The following CSPG4 variants were observed in gnomAD, a reference collection of about 807,000 sequenced individuals.
CSPG4 encodes the protein chondroitin sulfate proteoglycan 4.
In CSPG4, 74 loss-of-function variants were observed where a neutral mutation model predicts 139.3. That is an observed-to-expected ratio of 0.53 (90% CI 0.44 to 0.64). The LOEUF (loss-of-function observed/expected upper bound fraction) is 0.64, where lower values mean the gene tolerates loss of function less well. Ranked by LOEUF, CSPG4 falls within the 30% of genes least tolerant of loss-of-function variation. The pLI is 0.00. For missense variants in CSPG4, 2,565 were observed against 3,148.3 expected, an observed-to-expected ratio of 0.81 and a Z score of 4.43; for synonymous variants, 1,234 against 1,394.2, an observed-to-expected ratio of 0.89 and a Z score of 2.56.
chr15:75,690,857 T>G (rs764811893), intron 2 of CSPG4, 45 bp from the exon 3 acceptor site: 7 of 1,548,184 alleles, frequency 4.5e-6, no homozygotes, highest in Non-Finnish European at 6.1e-6. Flanking sequence ...GCACTTTGGA[T>G]CCATCATTTC....
chr15:75,676,241 C>A lies in CSPG4; in HGVS notation c.6278G>T (p.Arg2093Leu), dbSNP rs755387754. The A allele has an allele frequency of 3.9e-6, 6 of 1,555,850 alleles. No individual in the cohort carries two copies. Among genetic ancestry groups the A allele is most frequent in the Non-Finnish European group, 4.3e-6 (5 of 1,157,352 alleles). Reference sequence around the variant, plus strand: ...CCTGGCTCGGGGCACGCGGACCACGCGGCCATGCCGGGGTCCCTCCAGGAG... The same window carrying A: ...CCTGGCTCGGGGCACGCGGACCACGAGGCCATGCCGGGGTCCCTCCAGGAG... ...FRLLEGPRHGRVVRVPRARTE... is the reference protein window; with the variant it reads ...FRLLEGPRHGLVVRVPRARTE... The change falls in exon 10 of 10, where the codon CGC becomes CTC. Residue 2093 changes from arginine (R) to leucine (L), a missense_variant. By Grantham distance (102) the Arg-to-Leu change is moderately radical. Around this residue, in one of 5 missense-constraint regions of CSPG4, gnomAD observed 2,316 missense variants for 2,818.2 expected, o/e 0.82. Transcript: ENST00000308508.
chr15:75,712,983 T>C (rs1226126046), upstream of CSPG4: 11 of 515,118 alleles, frequency 2.1e-5, no homozygotes, highest in Middle Eastern at 5.0e-4. Context: ...CGTGCGGGGC[T>C]GTTCCTCTCT....
rs576408953 is a variant in CSPG4 at position 75,698,142 on chromosome 15, C to T, written c.89-4909G>A. Among the ~76,000 whole-genome samples the T allele has an allele frequency of 6.6e-5, 10 of 152,266 alleles. No homozygotes were observed. The East Asian group carries it at 1.2e-3, about 18-fold the overall frequency. ...GGGGAGGGAGGGCCCTGCTCCAAGA[C>T]GAAGCCAGACTTCTCCATCACCGCC... On this transcript the variant is annotated intron_variant, in intron 1 of 9. Transcript: ENST00000308508. This position sits in a 1 kb window ranked among gnomAD's most constrained non-coding sequence, Gnocchi z 4.3.
rs778198691 is a variant in CSPG4 at position 75,688,002 on chromosome 15, C to T, written c.3063G>A (p.Gln1021=). 1 of 1,612,344 alleles carries T rather than the reference C, an allele frequency of 6.2e-7. No homozygotes were observed. The highest frequency in any genetic ancestry group is 1.7e-5 in the Admixed American group (1 of 59,984). Residue 1021 remains glutamine (Q), a synonymous_variant, in exon 3 of 10, where the codon CAG becomes CAA. Transcript: ENST00000308508. ...CCACATGGAAGATCCGGCTGATGGT[C>T]TGCACAGGGGCGTGGTCATTCACGG... ...IQPVNDHAPV[Q]TISRIFHVAR...
In CSPG4 at chr15:75,677,435, A is replaced by G. The variant is rs1021621442; in HGVS notation, c.5135-51T>C. 4 of 1,398,502 alleles carry G rather than the reference A, an allele frequency of 2.9e-6. No homozygotes were observed. In the African/African-American group the frequency reaches 4.4e-5, roughly 16 times the overall value. 86.6% of individuals were successfully genotyped at this position (1,398,502 alleles called of 1,614,324 possible). On this transcript the variant is annotated intron_variant, in intron 9 of 9. Transcript: ENST00000308508. ...GGTCCAGCCCACTGAGGGGAGAGTG[A>G]TGGACCCTCAGCTGGGGGTGCCTCA...
rs199663560 is a variant in CSPG4 at position 75,676,407 on chromosome 15, C to G, written c.6112G>C (p.Val2038Leu). ...ALARGVNASAVVNVTVRALLH... is the reference protein window; with the variant it reads ...ALARGVNASALVNVTVRALLH... ...AGAGCCCTCACAGTGACGTTCACTA[C>G]GGCTGATGCATTGACACCCCTAGCC... is the stretch of plus-strand genomic sequence containing the variant. The change falls in exon 10 of 10, where the codon GTA becomes CTA. Residue 2038 changes from valine to leucine, a missense_variant. Val to Leu is a conservative substitution (Grantham distance 32, BLOSUM62 1). Coordinates refer to ENST00000308508, the MANE Select transcript of CSPG4 (RefSeq NM_001897.5). 1 of 1,613,586 alleles carries G rather than the reference C, an allele frequency of 6.2e-7. No homozygotes were observed. Among genetic ancestry groups the G allele is most frequent in the Admixed American group, 1.7e-5 (1 of 60,014 alleles).
chr15:75,705,830 A>AGT (rs1009407166), intron 1 of CSPG4, among the ~76,000 whole-genome samples: 1 of 151,842 alleles, frequency 6.6e-6, no homozygotes, highest in Non-Finnish European at 1.5e-5. Flanking sequence ...GGGAAGTAAA[A>AGT]GTGTGTGTGT....
Position 75,684,928 on chromosome 15 carries a change from G to A in CSPG4, c.4273-16C>T, listed in dbSNP as rs1212879247. ...GCTCTTCCACCTAGGGGCAGGCCCA[G>A]GGCTGGCAGTCAGGCCCCAGCAGCA... On this transcript the variant is annotated splice_polypyrimidine_tract_variant and intron_variant, in intron 4 of 9. Coordinates refer to ENST00000308508, the MANE Select transcript of CSPG4 (RefSeq NM_001897.5). The A allele has an allele frequency of 6.2e-7, 1 of 1,600,584 alleles. No homozygotes were observed. The highest frequency in any genetic ancestry group is 1.3e-5 in the African/African-American group (1 of 74,756).
At chr15:75,684,596 C>T in intron 5 of CSPG4, 140 bp downstream of exon 5, 1 of 750,888 alleles carries the variant, frequency 1.3e-6, no homozygotes, top group Non-Finnish European at 2.2e-6. Context: ...TCCAACAACC[C>T]CGTGAGGCAT....
chr15:75,692,121 ACAGGCATGTGTCAC>A (rs1416145635), intron 2 of CSPG4, among the ~76,000 whole-genome samples: 1 of 152,134 alleles, frequency 6.6e-6, no homozygotes, highest in Non-Finnish European at 1.5e-5. Context: ...AGCTGGGATT[ACAGGCATGTGTCAC>A]CATGCCCGGC....
rs1029845218 is a variant in CSPG4 at position 75,695,060 on chromosome 15, C to T, written c.89-1827G>A. The stretch of plus-strand genomic sequence containing the variant: ...GAATTTTGAGAGCCAGGTGATACTG[C>T]CCACAGTGAGAACATTTATACCAGG... On this transcript the variant is annotated intron_variant, in intron 1 of 9. Coordinates refer to ENST00000308508, the MANE Select transcript of CSPG4 (RefSeq NM_001897.5). 6.6e-5 allele frequency among the ~76,000 whole-genome samples: 10 copies of T among 152,170 alleles called. No individual in the cohort carries two copies. The East Asian group carries it at 1.5e-3, about 23-fold the overall frequency.
In CSPG4 at chr15:75,676,002, C is replaced by T. The variant is rs548221922; in HGVS notation, c.6517G>A (p.Val2173Met). The change falls in exon 10 of 10, where the codon GTG becomes ATG. Residue 2173 changes from valine (V) to methionine (M), a missense_variant. By Grantham distance (21) the Val-to-Met change is conservative. This residue lies in a region of CSPG4 where 2,316 missense variants were observed against 2,818.2 expected (regional missense o/e 0.82). Transcript: ENST00000308508. The part of the protein sequence containing the change: ...EPYNAARPYS[V>M]ALLSVPEAAR... Reference sequence around the variant, plus strand: ...GCCTCGGGGACACTGAGCAGGGCCACGCTGTAGGGCCGGGCAGCATTGTAA... The same window carrying T: ...GCCTCGGGGACACTGAGCAGGGCCATGCTGTAGGGCCGGGCAGCATTGTAA... The T allele has an allele frequency of 7.6e-6, 12 of 1,570,616 alleles. No homozygotes were observed. The highest frequency in any genetic ancestry group is 2.3e-5 in the South Asian group (2 of 86,896).
At position 75,690,544 on chromosome 15, in the gene CSPG4, G is replaced by A. The variant is rs747070320; in HGVS notation, c.521C>T (p.Thr174Ile). ...RPLRGCLHAA[T>I]LNGRSLLRPL... Reference sequence around the variant, plus strand: ...CCGGAGGAGGCTGCGGCCATTGAGGGTGGCTGCATGGAGGCAACCCCTCAG... The same window carrying A: ...CCGGAGGAGGCTGCGGCCATTGAGGATGGCTGCATGGAGGCAACCCCTCAG... Residue 174 changes from threonine to isoleucine, a missense_variant, in exon 3 of 10, where the codon ACC becomes ATC. By Grantham distance (89) the Thr-to-Ile change is moderately conservative. Coordinates refer to ENST00000308508, the MANE Select transcript of CSPG4 (RefSeq NM_001897.5). 2.7e-5 allele frequency: 44 copies of A among 1,609,372 alleles called. No homozygotes were observed. Among genetic ancestry groups the A allele is most frequent in the Non-Finnish European group, 3.5e-5 (41 of 1,178,964 alleles).
intron 3 of CSPG4, among the ~76,000 whole-genome samples, chr15:75,686,719 T>G (rs532466551): frequency 1.3e-4 from 20 of 151,768 alleles, no homozygotes; most frequent in African/African-American, 4.6e-4. Context: ...AAATGAGCAG[T>G]GTAGGAGAGT....
intron 1 of CSPG4, among the ~76,000 whole-genome samples, chr15:75,705,959 CTGTG>C (rs1002551250): frequency 1.1e-4 from 16 of 151,028 alleles, no homozygotes; most frequent in African/African-American, 3.9e-4. Flanking sequence ...GTCTGTATGT[CTGTG>C]TGTATCTATG....
Position 75,707,650 on chromosome 15 carries a change from C to G in CSPG4, c.88+5018G>C, listed in dbSNP as rs183592409. Among the ~76,000 whole-genome samples the G allele has an allele frequency of 3.9e-5, 6 of 152,226 alleles. No individual in the cohort carries two copies. The East Asian group carries it at 1.2e-3, about 29-fold the overall frequency. ...CTTGGGGAAGGACATCTTCCAAGGG[C>G]CCTTAGTACCAATCTTCATGGAACC... is the stretch of plus-strand genomic sequence containing the variant. On this transcript the variant is annotated intron_variant, in intron 1 of 9. Transcript: ENST00000308508.
chr15:75,699,452 C>A (rs11072558), intron 1 of CSPG4, among the ~76,000 whole-genome samples: 2 of 152,134 alleles, frequency 1.3e-5, no homozygotes, highest in African/African-American at 4.8e-5. Context: ...TCTAACCAAG[C>A]GCTTTGAGTC....
At chr15:75,686,333 A>T (rs1402386603) in intron 3 of CSPG4, among the ~76,000 whole-genome samples, 1 of 152,178 alleles carries the variant, frequency 6.6e-6, no homozygotes, top group African/African-American at 2.4e-5. Context: ...GCTGGTTTGC[A>T]GGCAGCACCT....
intron 3 of CSPG4, among the ~76,000 whole-genome samples, chr15:75,686,333 A>G (rs1402386603): frequency 6.6e-6 from 1 of 152,178 alleles, no homozygotes; most frequent in Non-Finnish European, 1.5e-5. Context: ...GCTGGTTTGC[A>G]GGCAGCACCT....
Sources: allele counts gnomAD v4.1 joint callset (sites outside exome capture counted in the v4.1 genomes callset), GRCh38; gene constraint gnomAD v4.1.1; regional missense constraint gnomAD v4.1.1; non-coding constraint Gnocchi (gnomAD v3.1); transcripts MANE v1.5; gene names NCBI Gene and HGNC (gene_info 2026-07-23, HGNC 2026-07-21).